ASIC2: variants seen among roughly 807,000 people sequenced by gnomAD.
ASIC2 encodes acid-sensing ion channel 2.
In ASIC2, 25 loss-of-function variants were observed where a neutral mutation model predicts 57.3. The ratio of observed to expected loss-of-function variants is 0.44; its 90% confidence interval spans 0.32 to 0.61. The LOEUF (loss-of-function observed/expected upper bound fraction) is 0.61, where lower values mean the gene tolerates loss of function less well. Among genes scored for constraint, ASIC2 ranks in the 20% least tolerant of loss-of-function variants. The probability of loss-of-function intolerance (pLI) is 0.06; values close to 1 mark genes in which losing one functional copy is unlikely to be tolerated. For missense variants in ASIC2, 641 were observed against 738.1 expected (o/e 0.87, Z 1.52); for synonymous variants, 319 against 307.5 (o/e 1.04, Z -0.39).
chr17:33,103,153 G>A (rs2092220468), intron 2 of ASIC2, among the ~76,000 whole-genome samples: 2 of 152,070 alleles, frequency 1.3e-5, no homozygotes, highest in African/African-American at 4.8e-5. Flanking sequence ...TGTGGTTATG[G>A]AGGCAGTATC....
chr17:33,898,685 A>G (rs1353413580), intron 1 of ASIC2, among the ~76,000 whole-genome samples: 1 of 152,142 alleles, frequency 6.6e-6, no homozygotes. Context: ...AATCCAATCC[A>G]AGATGCCACG....
Position 33,392,150 on chromosome 17 carries a change from C to T in ASIC2, c.556-280083G>A, listed in dbSNP as rs1909913665. The stretch of plus-strand genomic sequence containing the variant: ...ATGTGTTCTTTCTGCCTGAAAGTCC[C>T]CTTTTTCTTTCTTTTCCTTTCTTCC... On this transcript the variant is annotated intron_variant, in intron 1 of 9. Transcript: ENST00000359872. 2.0e-5 allele frequency among the ~76,000 whole-genome samples: 3 copies of T among 151,936 alleles called. No homozygotes were observed. In the South Asian group the frequency reaches 6.3e-4, roughly 32 times the overall value.
chr17:33,332,619 G>A (rs1358459319), intron 1 of ASIC2, among the ~76,000 whole-genome samples: 2 of 152,168 alleles, frequency 1.3e-5, no homozygotes, highest in Non-Finnish European at 2.9e-5. Context: ...GGCCAGGCAT[G>A]GTGGCTCACG....
rs568632729 is a variant in ASIC2 at position 33,961,423 on chromosome 17, G to C, written c.555+194555C>G. On this transcript the variant is annotated intron_variant, in intron 1 of 9. Coordinates refer to the ASIC2 transcript ENST00000359872. ...GGTGGTTGGAGGCTAGAATAGAGCA[G>C]AGAGCTTAGCCCGAGCTTATGTCCC... is the stretch of plus-strand genomic sequence containing the variant. Among the ~76,000 whole-genome samples the C allele has an allele frequency of 1.2e-4, 18 of 152,332 alleles. No individual in the cohort carries two copies. The South Asian group carries it at 3.7e-3, about 32-fold the overall frequency.
At chr17:33,258,667 G>A (rs1005449299) in intron 1 of ASIC2, among the ~76,000 whole-genome samples, 2 of 152,208 alleles carry the variant, frequency 1.3e-5, no homozygotes, top group Non-Finnish European at 2.9e-5. Context: ...ATGAGCAAGA[G>A]GGAGTAGAGC....
intron 1 of ASIC2, among the ~76,000 whole-genome samples, chr17:33,352,786 T>G (rs1169582766): frequency 6.6e-6 from 1 of 152,194 alleles, no homozygotes; most frequent in African/African-American, 2.4e-5. Context: ...CTGCTGCCTC[T>G]CAGGCTCCAT....
At chr17:33,276,951 T>C (rs951744615) in intron 1 of ASIC2, among the ~76,000 whole-genome samples, 2 of 152,202 alleles carry the variant, frequency 1.3e-5, no homozygotes, top group African/African-American at 2.4e-5. Context: ...TCCATCCTGC[T>C]TTTGCCTCCA....
At chr17:33,966,892 C>T (rs949364258) in intron 1 of ASIC2, among the ~76,000 whole-genome samples, 6 of 152,184 alleles carry the variant, frequency 3.9e-5, no homozygotes, top group African/African-American at 1.4e-4. Flanking sequence ...CGTTTCCATA[C>T]AGGTCTCCAT....
At chr17:33,240,490 T>A (rs756678594) in intron 1 of ASIC2, among the ~76,000 whole-genome samples, 2 of 152,228 alleles carry the variant, frequency 1.3e-5, no homozygotes, top group Non-Finnish European at 2.9e-5. Flanking sequence ...GATGCTTGGA[T>A]GCTAGGCAAC....
At chr17:33,985,918 TTCCTC>T (rs940007556) in intron 1 of ASIC2, among the ~76,000 whole-genome samples, 2 of 152,196 alleles carry the variant, frequency 1.3e-5, no homozygotes, top group African/African-American at 4.8e-5. Flanking sequence ...GCCTGGGTCT[TTCCTC>T]TGCCTGAAAC....
chr17:33,612,031 C>T (rs1905425624), intron 1 of ASIC2, among the ~76,000 whole-genome samples: 2 of 152,138 alleles, frequency 1.3e-5, no homozygotes, highest in Non-Finnish European at 2.9e-5. Flanking sequence ...TCCAAGTCCA[C>T]GTCTGAAGGA....
chr17:34,142,818 A>G (rs771172919), intron 1 of ASIC2: 1 of 152,178 alleles, frequency 6.6e-6, no homozygotes, highest in Non-Finnish European at 1.5e-5. Flanking sequence ...GGAGAAGTGG[A>G]GGTGGAAAGA....
chr17:33,941,944 G>T (rs952150476), intron 1 of ASIC2, among the ~76,000 whole-genome samples: 3 of 152,206 alleles, frequency 2.0e-5, no homozygotes, highest in Admixed American at 1.3e-4. Context: ...AGGAAGGCAG[G>T]TGTTGTTGGG....
intron 1 of ASIC2, among the ~76,000 whole-genome samples, chr17:33,876,563 T>C (rs1179335994): frequency 6.6e-6 from 1 of 152,220 alleles, no homozygotes; most frequent in Non-Finnish European, 1.5e-5. Flanking sequence ...GTCCAACAAC[T>C]CTGTGAGGAG....
intron 1 of ASIC2, among the ~76,000 whole-genome samples, chr17:33,414,733 C>A (rs1403432597): frequency 6.6e-6 from 1 of 152,184 alleles, no homozygotes; most frequent in African/African-American, 2.4e-5. Flanking sequence ...CGTTTCATTT[C>A]TCTTTTAAAT....
intron 1 of ASIC2, among the ~76,000 whole-genome samples, chr17:33,837,425 C>A (rs1913306311): frequency 6.6e-6 from 1 of 152,212 alleles, no homozygotes; most frequent in Admixed American, 6.5e-5. Flanking sequence ...CCAGATAGAC[C>A]TTAACTGTGA....
intron 1 of ASIC2, chr17:33,792,398 T>G (rs1048851684): frequency 1.3e-5 from 2 of 152,184 alleles, no homozygotes; most frequent in African/African-American, 2.4e-5. Flanking sequence ...TATGTAGCTA[T>G]TTCTCATTGG....
intron 2 of ASIC2, among the ~76,000 whole-genome samples, chr17:33,103,290 C>T: frequency 6.6e-6 from 1 of 152,110 alleles, no homozygotes; most frequent in East Asian, 1.9e-4. Context: ...TTTCTAAGCA[C>T]TTCATAAATA....
intron 3 of ASIC2, among the ~76,000 whole-genome samples, chr17:33,043,414 G>A (rs1224923932): frequency 1.3e-5 from 2 of 152,214 alleles, no homozygotes; most frequent in East Asian, 3.8e-4. Flanking sequence ...TCTGCAGCAT[G>A]TAGGTTCAGA....
Sources: gnomAD v4.1 joint callset for allele counts (sites outside exome capture counted in the v4.1 genomes callset) on GRCh38, gnomAD v4.1.1 for gene constraint, MANE v1.5 for transcripts, NCBI Gene and HGNC (gene_info 2026-07-23, HGNC 2026-07-21) for gene names.